Variants in SLC36A3 observed in about 807,000 individuals in gnomAD.
The protein encoded by SLC36A3 is proton-coupled amino acid transporter 3.
Under a neutral mutation model 44.3 loss-of-function variants are expected in SLC36A3, and 35 were observed. The observed-to-expected ratio is 0.79, with a 90% CI of 0.60 to 1.05. SLC36A3 has a LOEUF of 1.05. Ranked by LOEUF, SLC36A3 falls within the 50% of genes least tolerant of loss-of-function variation. The pLI, the probability that SLC36A3 is intolerant of heterozygous loss-of-function variation, is 0.00. For missense variants in SLC36A3, 540 were observed against 578.7 expected, an observed-to-expected ratio of 0.93 and a Z score of 0.69; for synonymous variants, 211 against 227.6, an observed-to-expected ratio of 0.93 and a Z score of 0.66.
intron 4 of SLC36A3, among the ~76,000 whole-genome samples, chr5:151,292,363 A>G (rs973893470): frequency 1.3e-5 from 2 of 152,210 alleles, no homozygotes; most frequent in Middle Eastern, 3.2e-3. Context: ...AGCAGCCACA[A>G]TTTGACTCAC....
intron 1 of SLC36A3, among the ~76,000 whole-genome samples, chr5:151,299,385 A>G (rs1755095180): frequency 6.9e-6 from 1 of 145,624 alleles, no homozygotes; most frequent in Non-Finnish European, 1.5e-5. Flanking sequence ...ATATATATAT[A>G]TATATATATT....
intron 4 of SLC36A3, among the ~76,000 whole-genome samples, chr5:151,293,161 C>T (rs1253276727): frequency 6.6e-6 from 1 of 152,096 alleles, no homozygotes. Context: ...GAAAAAAAGT[C>T]TAAAGGAATA....
chr5:151,296,635 T>G (rs757411377), intron 2 of SLC36A3: 49 of 269,582 alleles, frequency 1.8e-4, no homozygotes, highest in Non-Finnish European at 3.2e-4. Flanking sequence ...GGCCAAGGTG[T>G]TCTTATGACT....
chr5:151,279,204 C>A (rs996322492), intron 9 of SLC36A3, among the ~76,000 whole-genome samples: 5 of 152,324 alleles, frequency 3.3e-5, no homozygotes, highest in African/African-American at 1.2e-4. Flanking sequence ...CTGGCTCGGC[C>A]AGGCTGAGTT....
In SLC36A3 at chr5:151,277,521, T is replaced by C. The variant is rs1754134762; in HGVS notation, c.1285A>G (p.Ile429Val). The change falls in exon 10 of 10, where the codon ATT becomes GTT. Residue 429 changes from isoleucine (I) to valine (V), a missense_variant. Coordinates refer to ENST00000335230, the MANE Select transcript of SLC36A3 (RefSeq NM_181774.4). ...FYSEDMSCVT[I>V]AKDIMISIVG... ...ATGCTAATCATGATGTCCTTGGCAA[T>C]GGTGACACAGCTCATGTCCTCAGAG... The C allele has an allele frequency of 5.6e-6, 9 of 1,614,212 alleles. No individual in the cohort carries two copies. The East Asian group carries it at 2.0e-4, about 36-fold the overall frequency.
At chr5:151,277,839 C>G (rs941296995) in intron 9 of SLC36A3, among the ~76,000 whole-genome samples, 178 bp from the exon 10 acceptor site, 3 of 152,114 alleles carry the variant, frequency 2.0e-5, no homozygotes, top group African/African-American at 7.2e-5. Context: ...AATATAGATG[C>G]TCTCCTTTTA....
intron 4 of SLC36A3, among the ~76,000 whole-genome samples, chr5:151,290,987 C>CTT (rs879631219): frequency 1.4e-5 from 2 of 145,590 alleles, no homozygotes; most frequent in Non-Finnish European, 1.5e-5. Flanking sequence ...ACAATAATTT[C>CTT]TTTTTTTTTT....
At position 151,288,595 on chromosome 5, in the gene SLC36A3, A is replaced by G. The variant is rs1464571545; in HGVS notation, c.405-125T>C. ...TTTAAAAATTTCCCTACTTTCTTTTATTTTGAAAAATTTTTAAGCCAAAAA... is the reference window on the plus strand; with the variant it reads ...TTTAAAAATTTCCCTACTTTCTTTTGTTTTGAAAAATTTTTAAGCCAAAAA... On this transcript the variant is annotated intron_variant, in intron 4 of 9. Transcript: ENST00000335230. 7 of 793,064 alleles carry G rather than the reference A, an allele frequency of 8.8e-6. No individual in the cohort carries two copies. In the Admixed American group the frequency reaches 2.4e-4, roughly 28 times the overall value. 49.1% of individuals were successfully genotyped at this position (793,064 alleles called of 1,614,324 possible).
Position 151,277,319 on chromosome 5 carries a change from A to T in SLC36A3, c.*74T>A, listed in dbSNP as rs907211016. ...ATATAGAGATGTTGGGATTTGATGA[A>T]GGTATATAACATCCACATGGAAGTC... On this transcript the variant is annotated 3_prime_UTR_variant, in exon 10 of 10. Coordinates refer to ENST00000335230, the MANE Select transcript of SLC36A3 (RefSeq NM_181774.4). 1.9e-6 allele frequency: 3 copies of T among 1,547,200 alleles called. No homozygotes were observed. In the African/African-American group the frequency reaches 4.1e-5, roughly 21 times the overall value.
intron 9 of SLC36A3, among the ~76,000 whole-genome samples, chr5:151,277,928 C>T (rs57223938): frequency 0.08 from 12,107 of 152,060 alleles, 1,371 homozygotes; most frequent in African/African-American, 0.25. Flanking sequence ...TAATAACCTC[C>T]CCACTGTAGA....
At chr5:151,278,761 A>G (rs1190005123) in intron 9 of SLC36A3, among the ~76,000 whole-genome samples, 1 of 152,196 alleles carries the variant, frequency 6.6e-6, no homozygotes, top group African/African-American at 2.4e-5. Context: ...TTCTCCTTCG[A>G]TGGGAGGTCC....
At position 151,293,470 on chromosome 5, in the gene SLC36A3, A is replaced by G. The variant is rs757403301; in HGVS notation, c.309-11T>C. 3 of 1,602,472 alleles carry G rather than the reference A, an allele frequency of 1.9e-6. No individual in the cohort carries two copies. The highest frequency in any genetic ancestry group is 3.4e-5 in the Admixed American group (2 of 58,774). On this transcript the variant is annotated splice_polypyrimidine_tract_variant and intron_variant, in intron 3 of 9. Coordinates refer to ENST00000335230, the MANE Select transcript of SLC36A3 (RefSeq NM_181774.4). ...AAAGTCTTCTGCAGTCTAGGGGGAA[A>G]GAACAAACAATGCATAATTTAAAAC...
intron 4 of SLC36A3, among the ~76,000 whole-genome samples, chr5:151,288,710 A>G (rs991084259): frequency 6.6e-6 from 1 of 151,442 alleles, no homozygotes; most frequent in East Asian, 1.9e-4. Flanking sequence ...TTACATATAT[A>G]TATAATATAT....
intron 1 of SLC36A3, 31 bp downstream of exon 1, chr5:151,303,196 T>A: frequency 6.3e-7 from 1 of 1,598,182 alleles, no homozygotes; most frequent in Non-Finnish European, 8.5e-7. Flanking sequence ...GTGCTTGACC[T>A]CAGGCCTGGA....
At chr5:151,283,969 G>T in intron 8 of SLC36A3, 75 bp downstream of exon 8, 1 of 1,491,510 alleles carries the variant, frequency 6.7e-7, no homozygotes, top group Non-Finnish European at 9.0e-7. Context: ...GCTCAGCTTT[G>T]CTGTGCTCTC....
In SLC36A3 at chr5:151,287,299, C is replaced by T; in HGVS notation, c.655G>A (p.Ala219Thr). 6.2e-7 allele frequency: 1 copy of T among 1,614,106 alleles called. No individual in the cohort carries two copies. Among genetic ancestry groups the T allele is most frequent in the Middle Eastern group, 1.6e-4 (1 of 6,062 alleles). The change falls in exon 6 of 10, where the codon GCC becomes ACC. Residue 219 changes from alanine to threonine, a missense_variant. Transcript: ENST00000335230. ...ATGCTCCCAAGGGTGGTGATGTTGG[C>T]CAATGTCGAGAAGACGGACAGCACC... ...LKVLSVFSTL[A>T]NITTLGSMAL...
At chr5:151,288,359 C>G (rs551696959) in intron 5 of SLC36A3, 27 bp downstream of exon 5, 5 of 1,551,360 alleles carry the variant, frequency 3.2e-6, no homozygotes, top group Middle Eastern at 1.7e-4. Flanking sequence ...GCTTTTCCCC[C>G]ACTCTGCCCA....
At chr5:151,298,737 G>A in intron 1 of SLC36A3, 54 bp from the exon 2 acceptor site, 1 of 1,579,912 alleles carries the variant, frequency 6.3e-7, no homozygotes, top group African/African-American at 1.3e-5. Flanking sequence ...AGGGAAGCAT[G>A]GCCAGAAACT....
chr5:151,276,781 ATT>A lies in SLC36A3; in HGVS notation c.*610_*611del, dbSNP rs1455972151. 1 of 152,562 alleles carries A rather than the reference ATT, an allele frequency of 6.6e-6. No individual in the cohort carries two copies. The highest frequency in any genetic ancestry group is 2.4e-5 in the African/African-American group (1 of 41,458). The allele number at this position is 152,562 out of a possible 1,614,324, so 9.5% of individuals were successfully genotyped here. ...GTTTTTGTGGTTGGTGGATAAGTTA[ATT>A]TCTTTTATTCACTTTCAGAATATCA... On this transcript the variant is annotated 3_prime_UTR_variant, in exon 10 of 10. Transcript: ENST00000335230.
Sources: gnomAD v4.1 joint callset for allele counts (sites outside exome capture counted in the v4.1 genomes callset) on GRCh38, gnomAD v4.1.1 for gene constraint, MANE v1.5 for transcripts, NCBI Gene and HGNC (gene_info 2026-07-23, HGNC 2026-07-21) for gene names.